CELF2: variants seen among roughly 807,000 people sequenced by gnomAD.
The protein encoded by CELF2 is CUGBP Elav-like family member 2.
CELF2 carries 8 observed loss-of-function variants against 62.6 expected under a neutral mutation model. The observed-to-expected ratio is 0.13, with a 90% CI of 0.07 to 0.23. The LOEUF (loss-of-function observed/expected upper bound fraction) is 0.23, where lower values mean the gene tolerates loss of function less well. Ranked by LOEUF, CELF2 falls within the 10% of genes least tolerant of loss-of-function variation. CELF2 has a pLI of 1.00. For synonymous variants in CELF2, 258 were observed against 250.0 expected (o/e 1.03, Z -0.30); for missense variants, 333 against 671.0 (o/e 0.50, Z 5.56).
the CELF2 span, among the ~76,000 whole-genome samples, chr10:10,543,327 T>C: frequency 6.6e-6 from 1 of 151,990 alleles, no homozygotes; most frequent in Non-Finnish European, 1.5e-5. Flanking sequence ...AAAAAGCAAG[T>C]CTCAAAATTC....
At chr10:10,889,762 C>A (rs2062003882) in intron 1 of CELF2, among the ~76,000 whole-genome samples, 1 of 152,172 alleles carries the variant, frequency 6.6e-6, no homozygotes, top group Non-Finnish European at 1.5e-5. Flanking sequence ...CTGCCCCAGC[C>A]CTAGGAGGGG....
chr10:10,531,406 T>C, the CELF2 span, among the ~76,000 whole-genome samples: 2 of 152,324 alleles, frequency 1.3e-5, no homozygotes, highest in East Asian at 3.9e-4. Context: ...TGTAGTATCC[T>C]TATGATAATA....
At chr10:11,119,475 G>T (rs2057275146) in intron 1 of CELF2, among the ~76,000 whole-genome samples, 1 of 152,084 alleles carries the variant, frequency 6.6e-6, no homozygotes, top group African/African-American at 2.4e-5. Flanking sequence ...ATAGCAATCA[G>T]ATTTATGGTT....
At chr10:10,911,232 G>A (rs1035523425) in intron 1 of CELF2, among the ~76,000 whole-genome samples, 30 of 152,182 alleles carry the variant, frequency 2.0e-4, no homozygotes, top group Non-Finnish European at 1.3e-4. Context: ...AGCCAGGGCC[G>A]GATGGGCTCC....
At chr10:10,608,987 A>G in the CELF2 span, among the ~76,000 whole-genome samples, 17 of 152,290 alleles carry the variant, frequency 1.1e-4, no homozygotes, top group African/African-American at 4.1e-4. Context: ...AGGATTGAGA[A>G]CACTGGCCTC....
At chr10:10,844,531 G>T (rs190784567) in intron 1 of CELF2, among the ~76,000 whole-genome samples, 4 of 152,204 alleles carry the variant, frequency 2.6e-5, no homozygotes, top group Non-Finnish European at 5.9e-5. Flanking sequence ...TTGCTGTACT[G>T]CCATTTGCAG....
chr10:10,864,202 A>G (rs1460944638), intron 1 of CELF2, among the ~76,000 whole-genome samples: 1 of 152,118 alleles, frequency 6.6e-6, no homozygotes, highest in African/African-American at 2.4e-5. Flanking sequence ...GCCACCAACC[A>G]ACTTTTGACC....
In CELF2 at chr10:11,257,602, G is replaced by A. The variant is rs181995828; in HGVS notation, c.404-136G>A. ...GCGCATGGAGGGAGGAGGACAGCTG[G>A]ACGTCTGCAGAGTTGGCCTTGGGAC... On this transcript the variant is annotated intron_variant, in intron 4 of 12. Transcript: ENST00000633077. The A allele has an allele frequency of 7.6e-4, 650 of 858,428 alleles. 5 individuals are homozygous for A. In the Middle Eastern group the frequency reaches 0.01, roughly 14 times the overall value. The allele number at this position is 858,428 out of a possible 1,614,324, so 53.2% of individuals were successfully genotyped here. A position where few individuals can be genotyped will look rare whatever the true frequency, so the allele number is the denominator to read the frequency against.
At chr10:11,229,725 G>A (rs1187658764) in intron 3 of CELF2, among the ~76,000 whole-genome samples, 2 of 152,094 alleles carry the variant, frequency 1.3e-5, no homozygotes, top group East Asian at 3.9e-4. Context: ...AAGTAGCTGG[G>A]ATTATAGGCA....
chr10:10,876,329 G>GTAGCA (rs2061091628), intron 1 of CELF2, among the ~76,000 whole-genome samples: 1 of 152,132 alleles, frequency 6.6e-6, no homozygotes, highest in Admixed American at 6.6e-5. Flanking sequence ...CTGTGGTGAG[G>GTAGCA]TAGCATTCAA....
chr10:10,966,260 C>G (rs1223004210), intron 2 of CELF2, among the ~76,000 whole-genome samples: 1 of 152,214 alleles, frequency 6.6e-6, no homozygotes, highest in African/African-American at 2.4e-5. Flanking sequence ...TTTGCCCTCT[C>G]CCTTTGTTAG....
chr10:10,515,115 G>A, the CELF2 span, among the ~76,000 whole-genome samples: 3 of 152,352 alleles, frequency 2.0e-5, no homozygotes, highest in Non-Finnish European at 1.5e-5. Context: ...CAAGTAGGCT[G>A]AGAGCTACTA....
intron 1 of CELF2, among the ~76,000 whole-genome samples, chr10:11,053,615 T>TC (rs1423099477): frequency 1.4e-5 from 2 of 147,280 alleles, no homozygotes; most frequent in Non-Finnish European, 3.0e-5. Flanking sequence ...GATATTTCTT[T>TC]TTTTTTTTTT....
At chr10:11,325,692 G>T in intron 11 of CELF2, 144 bp from the exon 12 acceptor site, 1 of 655,460 alleles carries the variant, frequency 1.5e-6, no homozygotes. Context: ...TTCCTGAAAG[G>T]CACTCCAGCA....
chr10:10,825,247 T>C (rs2057292240), intron 1 of CELF2, among the ~76,000 whole-genome samples: 1 of 152,222 alleles, frequency 6.6e-6, no homozygotes, highest in South Asian at 2.1e-4. Flanking sequence ...TCTCGCTCTG[T>C]CACCCAGGCT....
intron 2 of CELF2, among the ~76,000 whole-genome samples, chr10:10,943,499 G>C (rs899875552): frequency 6.6e-6 from 1 of 152,240 alleles, no homozygotes; most frequent in Non-Finnish European, 1.5e-5. Context: ...GCATGTGCTA[G>C]GAAAGATTGA....
Position 10,928,295 on chromosome 10 carries a change from G to A in CELF2, c.89+8296G>A, listed in dbSNP as rs1284048232. 2.6e-5 allele frequency among the ~76,000 whole-genome samples: 4 copies of A among 152,124 alleles called. No individual in the cohort carries two copies. The highest frequency in any genetic ancestry group is 4.8e-5 in the African/African-American group (2 of 41,426). ...ATAAATGTTTGTTGAATGACTATATGAGCCCCCATTTCAGAGATAAGAAAA... is the reference window on the plus strand; with the variant it reads ...ATAAATGTTTGTTGAATGACTATATAAGCCCCCATTTCAGAGATAAGAAAA... On this transcript the variant is annotated intron_variant, in intron 2 of 13. Coordinates refer to the CELF2 transcript ENST00000636488. The surrounding 1 kb of genome is among the most constrained non-coding windows in gnomAD (Gnocchi z 4.8).
At chr10:11,080,117 T>C (rs2073590295) in intron 1 of CELF2, among the ~76,000 whole-genome samples, 1 of 152,242 alleles carries the variant, frequency 6.6e-6, no homozygotes, top group African/African-American at 2.4e-5. Context: ...CTGATTTTGC[T>C]ACTGAGGGTC....
chr10:10,466,320 T>C, the CELF2 span, among the ~76,000 whole-genome samples: 1 of 152,134 alleles, frequency 6.6e-6, no homozygotes, highest in African/African-American at 2.4e-5. Flanking sequence ...GCAGTATGGA[T>C]TTTGTGTCTG....
Sources: gnomAD v4.1 joint callset for allele counts (sites outside exome capture counted in the v4.1 genomes callset) on GRCh38, gnomAD v4.1.1 for gene constraint, Gnocchi (gnomAD v3.1) non-coding constraint, MANE v1.5 for transcripts, NCBI Gene and HGNC (gene_info 2026-07-23, HGNC 2026-07-21) for gene names.